The following PRKCI variants were observed in gnomAD, a reference collection of about 807,000 sequenced individuals.
PRKCI encodes protein kinase C iota.
PRKCI carries 43 observed loss-of-function variants against 84.0 expected under a neutral mutation model. The ratio of observed to expected loss-of-function variants is 0.51; its 90% CI spans 0.40 to 0.66. The LOEUF (loss-of-function observed/expected upper bound fraction) is 0.66. Among genes scored for constraint, PRKCI ranks in the 30% least tolerant of loss-of-function variants. The pLI is 0.00. For missense variants in PRKCI, 459 were observed against 745.6 expected, an observed-to-expected ratio of 0.62 and a Z score of 4.48; for synonymous variants, 216 against 234.4, an observed-to-expected ratio of 0.92 and a Z score of 0.72.
chr3:170,227,684 A>G (rs1371578810), intron 1 of PRKCI, among the ~76,000 whole-genome samples: 3 of 152,230 alleles, frequency 2.0e-5, no homozygotes, highest in Non-Finnish European at 2.9e-5. Flanking sequence ...CTGATGAGAA[A>G]TGAGGCTAAG....
chr3:170,253,075 G>A (rs1366201932), intron 2 of PRKCI, among the ~76,000 whole-genome samples: 4 of 152,186 alleles, frequency 2.6e-5, no homozygotes, highest in Admixed American at 2.0e-4. Flanking sequence ...TGGCTGAATA[G>A]TACTCCCATT....
At chr3:170,283,505 G>A (rs184425385) in intron 11 of PRKCI, among the ~76,000 whole-genome samples, 2 of 151,968 alleles carry the variant, frequency 1.3e-5, no homozygotes, top group African/African-American at 4.8e-5. Flanking sequence ...GTTTATTTGG[G>A]TTTTTTTGTT....
chr3:170,281,600 G>T (rs558850570), intron 10 of PRKCI: 5 of 422,160 alleles, frequency 1.2e-5, no homozygotes, highest in African/African-American at 2.0e-5. Flanking sequence ...AGTCGAAAAT[G>T]ACTTATTTAG....
chr3:170,240,176 A>G (rs932291482), intron 2 of PRKCI, among the ~76,000 whole-genome samples: 1 of 152,018 alleles, frequency 6.6e-6, no homozygotes, highest in Non-Finnish European at 1.5e-5. Flanking sequence ...AAAAAGATAT[A>G]TGTGTATATA....
chr3:170,261,115 T>C (rs1733714730), intron 3 of PRKCI, among the ~76,000 whole-genome samples: 1 of 150,644 alleles, frequency 6.6e-6, no homozygotes, highest in African/African-American at 2.5e-5. Flanking sequence ...GCCGCACCAC[T>C]ATGACTGGCT....
Position 170,259,981 on chromosome 3 carries a change from C to T in PRKCI, c.236C>T (p.Thr79Ile). Residue 79 changes from threonine to isoleucine, a missense_variant, in exon 3 of 18, where the codon ACA becomes ATA. By Grantham distance (89) the Thr-to-Ile change is moderately conservative. Transcript: ENST00000295797. ...TTGTGTTTTTTAGGAGACCCGTGTA[C>T]AGTATCATCTCAGTTGGAGTTAGAA... is the stretch of plus-strand genomic sequence containing the variant. Reference protein sequence around the residue: ...KWIDEEGDPCTVSSQLELEEA... With the variant: ...KWIDEEGDPCIVSSQLELEEA... The T allele has an allele frequency of 6.2e-7, 1 of 1,611,664 alleles. No individual in the cohort carries two copies. Among genetic ancestry groups the T allele is most frequent in the Non-Finnish European group, 8.5e-7 (1 of 1,178,648 alleles).
rs1423866639 is a variant in PRKCI, at chr3:170,303,381, T to G, written c.*254T>G. The G allele has an allele frequency of 6.2e-6, 2 of 320,304 alleles. No individual in the cohort carries two copies. Among genetic ancestry groups the G allele is most frequent in the Non-Finnish European group, 1.1e-5 (2 of 178,556 alleles). 19.8% of individuals were successfully genotyped at this position (320,304 alleles called of 1,614,324 possible). A position where few individuals can be genotyped will look rare whatever the true frequency, so the allele number is the denominator to read the frequency against. On this transcript the variant is annotated 3_prime_UTR_variant, in exon 18 of 18. Coordinates refer to ENST00000295797, the MANE Select transcript of PRKCI (RefSeq NM_002740.6). ...TTTCAGTTTTTAAAAGGCCTACAGA[T>G]GAGTAATGAAGTTATCTTTTTTGTT...
chr3:170,261,472 A>C (rs1408896407), intron 3 of PRKCI, among the ~76,000 whole-genome samples: 9 of 150,918 alleles, frequency 6.0e-5, no homozygotes, highest in East Asian at 5.8e-4. Context: ...AAAAAAAAAA[A>C]AAACAGTGGT....
intron 11 of PRKCI, among the ~76,000 whole-genome samples, chr3:170,284,049 C>G (rs958643287): frequency 1.3e-5 from 2 of 151,494 alleles, no homozygotes; most frequent in African/African-American, 4.9e-5. Context: ...ATTCTCGACC[C>G]CATTAGTGGT....
intron 13 of PRKCI, among the ~76,000 whole-genome samples, chr3:170,293,110 A>G (rs991917374): frequency 2.6e-5 from 4 of 151,898 alleles, no homozygotes; most frequent in Non-Finnish European, 5.9e-5. Context: ...AACACACAAT[A>G]TTAGATATTG....
At chr3:170,285,331 A>G (rs373477347) in intron 12 of PRKCI, among the ~76,000 whole-genome samples, 150 of 152,268 alleles carry the variant, frequency 9.9e-4, no homozygotes, top group African/African-American at 3.4e-3. Context: ...CGCCTGCCTC[A>G]GCCTCCCAAA....
chr3:170,279,096 C>T (rs187647616), intron 8 of PRKCI, among the ~76,000 whole-genome samples: 231 of 152,252 alleles, frequency 1.5e-3, no homozygotes, highest in African/African-American at 5.4e-3. Context: ...GGCACAATCA[C>T]AGCTCACTGC....
intron 1 of PRKCI, among the ~76,000 whole-genome samples, chr3:170,228,661 A>G (rs559280069): frequency 6.6e-6 from 1 of 152,066 alleles, no homozygotes; most frequent in Admixed American, 6.6e-5. Flanking sequence ...ACACACATAT[A>G]AAGTTCCCCT....
chr3:170,256,945 G>A (rs1286987309), intron 2 of PRKCI, among the ~76,000 whole-genome samples: 1 of 151,858 alleles, frequency 6.6e-6, no homozygotes, highest in Non-Finnish European at 1.5e-5. Context: ...TTAATAAGGG[G>A]CATATTGTTA....
chr3:170,232,185 G>A (rs1263837934), intron 1 of PRKCI, among the ~76,000 whole-genome samples: 1 of 151,842 alleles, frequency 6.6e-6, no homozygotes, highest in East Asian at 1.9e-4. Context: ...CAAGTAGTTG[G>A]GACTGTAGGC....
intron 12 of PRKCI, among the ~76,000 whole-genome samples, chr3:170,289,637 G>T (rs1734488483): frequency 6.6e-6 from 1 of 152,170 alleles, no homozygotes; most frequent in South Asian, 2.1e-4. Flanking sequence ...CAGAGGCTCG[G>T]CACAGTGGCT....
At position 170,234,031 on chromosome 3, in the gene PRKCI, C is replaced by CTTTTTT. The variant is rs386398519; in HGVS notation, c.102-1185_102-1180dup. On this transcript the variant is annotated intron_variant, in intron 1 of 17. Transcript: ENST00000295797. ...CCACCACACCCAGCCTATACTTACA[C>CTTTTTT]TTTTTTTTTTTTTTTTTTTGAGATG... Among the ~76,000 whole-genome samples, 151 of 93,294 alleles carry CTTTTTT rather than the reference C, an allele frequency of 1.6e-3. 13 individuals are homozygous for CTTTTTT. Among genetic ancestry groups the CTTTTTT allele is most frequent in the Non-Finnish European group, 2.1e-3 (109 of 51,060 alleles). The allele number at this position is 93,294 out of a possible 152,430, so 61.2% of individuals were successfully genotyped here.
chr3:170,293,535 C>G (rs1734619954), intron 14 of PRKCI, 27 bp downstream of exon 14: 1 of 1,605,150 alleles, frequency 6.2e-7, no homozygotes, highest in East Asian at 2.2e-5. Flanking sequence ...TACAGAGATT[C>G]TCTGAGAAAA....
At chr3:170,262,449 C>A (rs545949402) in intron 3 of PRKCI, among the ~76,000 whole-genome samples, 1 of 152,148 alleles carries the variant, frequency 6.6e-6, no homozygotes, top group Admixed American at 6.5e-5. Context: ...GTCATTTGAG[C>A]TTCTGATGCA....
Sources: allele counts gnomAD v4.1 joint callset (sites outside exome capture counted in the v4.1 genomes callset), GRCh38; gene constraint gnomAD v4.1.1; transcripts MANE v1.5; gene names NCBI Gene and HGNC (gene_info 2026-07-23, HGNC 2026-07-21).